The following ZDHHC20 variants were observed in gnomAD, a reference collection of about 807,000 sequenced individuals.
ZDHHC20 encodes palmitoyltransferase ZDHHC20.
Under a neutral mutation model 57.8 loss-of-function variants are expected in ZDHHC20, and 43 were observed. The observed-to-expected ratio is 0.74, with a 90% CI of 0.58 to 0.96. The LOEUF (loss-of-function observed/expected upper bound fraction) is 0.96. Ranked by LOEUF, ZDHHC20 falls within the 40% of genes least tolerant of loss-of-function variation. The pLI is 0.00. For synonymous variants in ZDHHC20, 157 were observed against 153.0 expected, an observed-to-expected ratio of 1.03 and a Z score of -0.19; for missense variants, 391 against 441.1, an observed-to-expected ratio of 0.89 and a Z score of 1.02.
At chr13:21,457,191 G>C (rs903877901) in intron 1 of ZDHHC20, among the ~76,000 whole-genome samples, 36 of 152,160 alleles carry the variant, frequency 2.4e-4, no homozygotes, top group South Asian at 2.1e-4. Context: ...AGCACTGTTT[G>C]ATCTCATTTC....
chr13:21,431,964 T>G (rs1882012765), intron 1 of ZDHHC20, among the ~76,000 whole-genome samples: 1 of 152,148 alleles, frequency 6.6e-6, no homozygotes, highest in Non-Finnish European at 1.5e-5. Context: ...AAGTCTTAAT[T>G]TAATTTATCA....
At chr13:21,437,795 C>T (rs1434340939) in intron 1 of ZDHHC20, among the ~76,000 whole-genome samples, 1 of 152,060 alleles carries the variant, frequency 6.6e-6, no homozygotes, top group African/African-American at 2.4e-5. Flanking sequence ...GGGTTCACGC[C>T]ATTCTCCTGC....
intron 1 of ZDHHC20, among the ~76,000 whole-genome samples, chr13:21,440,213 C>A (rs536147566): frequency 1.2e-4 from 18 of 151,912 alleles, no homozygotes; most frequent in Middle Eastern, 3.5e-3. Context: ...AATGACAAAG[C>A]ACATATGACA....
At chr13:21,429,617 GTTC>G (rs1343391452) in intron 1 of ZDHHC20, among the ~76,000 whole-genome samples, 5 of 152,134 alleles carry the variant, frequency 3.3e-5, no homozygotes. Context: ...AACTTCTTAA[GTTC>G]TTCTTGAATA....
At chr13:21,406,692 T>C (rs569999922) in intron 4 of ZDHHC20, among the ~76,000 whole-genome samples, 5 of 152,322 alleles carry the variant, frequency 3.3e-5, no homozygotes, top group African/African-American at 9.6e-5. Context: ...GCTTCATCCA[T>C]GTCCCTGCAA....
rs1877670658 is a variant in ZDHHC20 at position 21,401,793 on chromosome 13, T to TA, written c.441-109dup. 6.2e-6 allele frequency: 6 copies of TA among 973,404 alleles called. No homozygotes were observed. In the East Asian group the frequency reaches 1.4e-4, roughly 23 times the overall value. The allele number at this position is 973,404 out of a possible 1,614,324, so 60.3% of individuals were successfully genotyped here. On this transcript the variant is annotated intron_variant, in intron 5 of 12. Coordinates refer to ENST00000400590, the MANE Select transcript of ZDHHC20 (RefSeq NM_001330059.2). ...TAAAATTCCCTTTACAACTACATCT[T>TA]AAGAGAATCAACCCAGAAACTAGGT...
At chr13:21,398,958 T>C (rs369751744) in intron 7 of ZDHHC20, among the ~76,000 whole-genome samples, 30 of 152,276 alleles carry the variant, frequency 2.0e-4, no homozygotes, top group African/African-American at 6.7e-4. Context: ...GAACCTATAT[T>C]TAAAGGGCTG....
intron 8 of ZDHHC20, among the ~76,000 whole-genome samples, chr13:21,389,739 C>G (rs899590936): frequency 6.6e-6 from 1 of 152,150 alleles, no homozygotes. Context: ...CTATCTTGGG[C>G]AGTCCACCAC....
At position 21,387,511 on chromosome 13, in the gene ZDHHC20, GA is replaced by G; in HGVS notation, c.850del (p.Ser284GlnfsTer76). 1.3e-6 allele frequency: 2 copies of G among 1,520,996 alleles called. No homozygotes were observed. Among genetic ancestry groups the G allele is most frequent in the Admixed American group, 2.1e-5 (1 of 47,634 alleles). The allele number at this position is 1,520,996 out of a possible 1,614,324, so 94.2% of individuals were successfully genotyped here. ...EKKYWLLPIF[S>X]SLGDGCSFPT... ...AGACCCACATTTTATAAATTACCTT[GA>G]AAATATTGGAAGTAGCCAATATTTC... is the stretch of plus-strand genomic sequence containing the variant. On this transcript the variant is annotated frameshift_variant, in exon 9 of 13. Coordinates refer to ENST00000400590, the MANE Select transcript of ZDHHC20 (RefSeq NM_001330059.2). LOFTEE classifies it high-confidence loss of function.
chr13:21,387,510 T>C lies in ZDHHC20; in HGVS notation c.852A>G (p.Ser284=). Residue 284 remains serine (S), a splice_region_variant and synonymous_variant, in exon 9 of 13, where the codon TCA becomes TCG. Transcript: ENST00000400590. ...EKKYWLLPIF[S]SLGDGCSFPT... is the part of the protein sequence containing the mutation. ...GAGACCCACATTTTATAAATTACCT[T>C]GAAAATATTGGAAGTAGCCAATATT... 6.6e-7 allele frequency: 1 copy of C among 1,520,734 alleles called. No homozygotes were observed. 94.2% of individuals were successfully genotyped at this position (1,520,734 alleles called of 1,614,324 possible). A position where few individuals can be genotyped will look rare whatever the true frequency, so the allele number is the denominator to read the frequency against.
At chr13:21,447,868 G>C (rs1420816065) in intron 1 of ZDHHC20, among the ~76,000 whole-genome samples, 2 of 114,734 alleles carry the variant, frequency 1.7e-5, no homozygotes, top group Non-Finnish European at 4.1e-5. Context: ...ATCACATCTA[G>C]GAAGTGAGGA....
At chr13:21,437,191 T>C (rs1882642312) in intron 1 of ZDHHC20, among the ~76,000 whole-genome samples, 1 of 152,176 alleles carries the variant, frequency 6.6e-6, no homozygotes, top group Admixed American at 6.5e-5. Context: ...AGGAAAAAAG[T>C]CTTAAGCTAG....
At chr13:21,443,855 ATGATTAGTCTG>A (rs1883421977) in intron 1 of ZDHHC20, among the ~76,000 whole-genome samples, 1 of 152,180 alleles carries the variant, frequency 6.6e-6, no homozygotes, top group African/African-American at 2.4e-5. Context: ...ACATCATCTT[ATGATTAGTCTG>A]TGTTCTAAAA....
At chr13:21,434,118 G>A (rs995540936) in intron 1 of ZDHHC20, among the ~76,000 whole-genome samples, 1 of 152,042 alleles carries the variant, frequency 6.6e-6, no homozygotes, top group Non-Finnish European at 1.5e-5. Flanking sequence ...GTGTGTCTGT[G>A]TGTGTGCGTG....
chr13:21,404,534 C>T (rs1310968751), intron 4 of ZDHHC20, among the ~76,000 whole-genome samples: 3 of 152,152 alleles, frequency 2.0e-5, no homozygotes, highest in South Asian at 2.1e-4. Context: ...GGGTGGATCA[C>T]GAGGTCAGGA....
At position 21,399,610 on chromosome 13, in the gene ZDHHC20, C is replaced by A. The variant is rs1197652165; in HGVS notation, c.594+763G>T. Among the ~76,000 whole-genome samples the A allele has an allele frequency of 2.0e-5, 3 of 152,026 alleles. No individual in the cohort carries two copies. The East Asian group carries it at 5.8e-4, about 29-fold the overall frequency. On this transcript the variant is annotated intron_variant, in intron 7 of 12. Transcript: ENST00000400590. ...TATATTACTATTTGTCCATGTTATA[C>A]AAAATCCAAAGGATAACTGTAGAAA...
chr13:21,388,793 G>A (rs1372080694), intron 8 of ZDHHC20, among the ~76,000 whole-genome samples: 4 of 152,148 alleles, frequency 2.6e-5, no homozygotes, highest in Non-Finnish European at 4.4e-5. Flanking sequence ...CACTGTGCAC[G>A]CGGATAGAGG....
At chr13:21,393,873 G>A (rs944069986) in intron 7 of ZDHHC20, among the ~76,000 whole-genome samples, 2 of 152,086 alleles carry the variant, frequency 1.3e-5, no homozygotes, top group African/African-American at 4.8e-5. Context: ...TTCAGTCTGG[G>A]GAAGAATAAA....
At chr13:21,446,676 T>C (rs1449363634) in intron 1 of ZDHHC20, among the ~76,000 whole-genome samples, 1 of 152,224 alleles carries the variant, frequency 6.6e-6, no homozygotes, top group East Asian at 1.9e-4. Flanking sequence ...GTCATTTAAG[T>C]GTAATGCCCA....
Sources: gnomAD v4.1 joint callset for allele counts (sites outside exome capture counted in the v4.1 genomes callset) on GRCh38, gnomAD v4.1.1 for gene constraint, MANE v1.5 for transcripts, NCBI Gene and HGNC (gene_info 2026-07-23, HGNC 2026-07-21) for gene names.